Variants in ENOX1 observed in about 807,000 individuals in gnomAD.
ENOX1 encodes candidate growth-related and time keeping constitutive hydroquinone (NADH) oxidase.
ENOX1 carries 42 observed loss-of-function variants against 82.5 expected under a neutral mutation model. The observed-to-expected ratio is 0.51, with a 90% CI of 0.40 to 0.66. The LOEUF (loss-of-function observed/expected upper bound fraction) is 0.66. ENOX1 is among the 30% of genes least tolerant of loss of function. The pLI, the probability that ENOX1 is intolerant of heterozygous loss-of-function variation, is 0.00. For synonymous variants in ENOX1, 271 were observed against 282.2 expected, an observed-to-expected ratio of 0.96 and a Z score of 0.40; for missense variants, 608 against 811.6, an observed-to-expected ratio of 0.75 and a Z score of 3.05.
chr13:43,330,832 A>G (rs9594926), intron 9 of ENOX1, among the ~76,000 whole-genome samples: 7,188 of 152,248 alleles, frequency 0.047, 227 homozygotes, highest in Non-Finnish European at 0.072. Context: ...GTGGAGATAC[A>G]TACACGCACC....
intron 11 of ENOX1, among the ~76,000 whole-genome samples, chr13:43,301,198 T>A (rs1399320489): frequency 6.6e-6 from 1 of 152,248 alleles, no homozygotes; most frequent in Non-Finnish European, 1.5e-5. Flanking sequence ...CAGAGTGGCA[T>A]TTTTATTATC....
intron 5 of ENOX1, among the ~76,000 whole-genome samples, chr13:43,404,976 G>A (rs935533224): frequency 3.3e-5 from 5 of 152,262 alleles, no homozygotes; most frequent in Admixed American, 1.3e-4. Flanking sequence ...ACTGGTACCC[G>A]CCAGGCTGTC....
At chr13:43,407,076 A>C (rs1287633972) in intron 5 of ENOX1, among the ~76,000 whole-genome samples, 1 of 152,206 alleles carries the variant, frequency 6.6e-6, no homozygotes, top group Non-Finnish European at 1.5e-5. Context: ...GATGATTATA[A>C]CTTTGGAAAA....
rs373585809 is a variant in ENOX1, at chr13:43,374,079, G to A, written c.209-12627C>T. On this transcript the variant is annotated intron_variant, in intron 5 of 16. Transcript: ENST00000690772. ...TTTCTCCCTTCCCTTCCCCTCCCTT[G>A]CCTTCCCTTCCCTTCTCTCCCCTCC... Among the ~76,000 whole-genome samples, 288 of 126,618 alleles carry A rather than the reference G, an allele frequency of 2.3e-3. 1 individual carries two copies. Among genetic ancestry groups the A allele is most frequent in the African/African-American group, 8.0e-3 (261 of 32,638 alleles). The allele number at this position is 126,618 out of a possible 152,430, so 83.1% of individuals were successfully genotyped here. A position where few individuals can be genotyped will look rare whatever the true frequency, so the allele number is the denominator to read the frequency against.
intron 3 of ENOX1, among the ~76,000 whole-genome samples, chr13:43,445,562 G>A (rs549819837): frequency 5.9e-5 from 9 of 152,218 alleles, no homozygotes; most frequent in Non-Finnish European, 4.4e-5. Context: ...TGGCTTGGGG[G>A]TTCTGAATGG....
intron 3 of ENOX1, among the ~76,000 whole-genome samples, chr13:43,478,697 T>C (rs967030546): frequency 6.6e-6 from 1 of 152,184 alleles, no homozygotes; most frequent in African/African-American, 2.4e-5. Context: ...ACTCACTGTG[T>C]GTATTTTGTG....
At chr13:43,581,375 G>A (rs537366045) in intron 2 of ENOX1, among the ~76,000 whole-genome samples, 6 of 151,462 alleles carry the variant, frequency 4.0e-5, no homozygotes, top group South Asian at 2.1e-4. Flanking sequence ...CTCGTGATCC[G>A]CCCGCCTCAG....
At chr13:43,435,360 C>T (rs2055956735) in intron 3 of ENOX1, among the ~76,000 whole-genome samples, 1 of 152,264 alleles carries the variant, frequency 6.6e-6, no homozygotes, top group African/African-American at 2.4e-5. Flanking sequence ...TTGTACATTA[C>T]ATCCTCCACT....
intron 5 of ENOX1, among the ~76,000 whole-genome samples, chr13:43,400,777 C>T (rs974119797): frequency 9.2e-5 from 14 of 152,120 alleles, no homozygotes; most frequent in African/African-American, 2.7e-4. Flanking sequence ...TATGATTCTC[C>T]CCTACCCCCA....
intron 3 of ENOX1, among the ~76,000 whole-genome samples, chr13:43,468,670 A>T (rs2057854109): frequency 6.6e-6 from 1 of 151,666 alleles, no homozygotes; most frequent in African/African-American, 2.4e-5. Context: ...TAAGATTTTC[A>T]TAGGGATGGC....
intron 9 of ENOX1, among the ~76,000 whole-genome samples, chr13:43,330,758 T>C (rs2048367757): frequency 2.0e-5 from 3 of 152,204 alleles, no homozygotes; most frequent in African/African-American, 4.8e-5. Context: ...ATGAAGTTGC[T>C]AATCACTCCA....
intron 2 of ENOX1, among the ~76,000 whole-genome samples, chr13:43,501,037 G>GT (rs2076962643): frequency 6.6e-6 from 1 of 151,560 alleles, no homozygotes; most frequent in Non-Finnish European, 1.5e-5. Context: ...TATAACAATA[G>GT]TATTTTACTT....
chr13:43,615,714 G>A (rs1253102725), intron 2 of ENOX1, among the ~76,000 whole-genome samples: 2 of 151,894 alleles, frequency 1.3e-5, no homozygotes, highest in Non-Finnish European at 2.9e-5. Flanking sequence ...TATGCATCAG[G>A]CATTTCTCCT....
intron 9 of ENOX1, among the ~76,000 whole-genome samples, chr13:43,334,589 T>C (rs546694025): frequency 8.2e-4 from 125 of 152,072 alleles, no homozygotes; most frequent in African/African-American, 2.9e-3. Context: ...TGGCTGAAAC[T>C]TGCAGCTAAG....
At chr13:43,324,138 T>A (rs1406155272) in intron 10 of ENOX1, among the ~76,000 whole-genome samples, 1 of 151,490 alleles carries the variant, frequency 6.6e-6, no homozygotes, top group East Asian at 1.9e-4. Context: ...GGGTGTCACA[T>A]GTGATTAGTG....
At chr13:43,264,175 C>A (rs962933699) in intron 14 of ENOX1, among the ~76,000 whole-genome samples, 1 of 152,196 alleles carries the variant, frequency 6.6e-6, no homozygotes, top group African/African-American at 2.4e-5. Context: ...TAGGCTTTGC[C>A]ATTCTTTTTA....
chr13:43,571,522 G>GA (rs5803189), intron 2 of ENOX1, among the ~76,000 whole-genome samples: 79,450 of 146,594 alleles, frequency 0.54, 21,509 homozygotes, highest in Non-Finnish European at 0.61. Flanking sequence ...TACTAAAAAA[G>GA]AAAAAAAAAA....
chr13:43,582,037 T>C (rs1256913012), intron 2 of ENOX1, among the ~76,000 whole-genome samples: 2 of 152,136 alleles, frequency 1.3e-5, no homozygotes, highest in Non-Finnish European at 2.9e-5. Context: ...GGCACAAAAT[T>C]TGAAAATCTA....
At chr13:43,370,227 A>T (rs1269313901) in intron 5 of ENOX1, among the ~76,000 whole-genome samples, 1 of 152,014 alleles carries the variant, frequency 6.6e-6, no homozygotes, top group African/African-American at 2.4e-5. Flanking sequence ...ATTAGCTGGG[A>T]GTGGTGGCGG....
Sources: allele counts gnomAD v4.1 joint callset (sites outside exome capture counted in the v4.1 genomes callset), GRCh38; gene constraint gnomAD v4.1.1; transcripts MANE v1.5; gene names NCBI Gene and HGNC (gene_info 2026-07-23, HGNC 2026-07-21).